JMJD1C: variants seen among roughly 807,000 people sequenced by gnomAD.
JMJD1C encodes the protein jumonji domain containing 1C.
A neutral mutation model predicts 245.3 loss-of-function variants in JMJD1C; 31 were observed. That is an observed-to-expected ratio of 0.13 (90% CI 0.09 to 0.17). The LOEUF (loss-of-function observed/expected upper bound fraction) is 0.17. Among genes scored for constraint, JMJD1C ranks in the 10% least tolerant of loss-of-function variants. JMJD1C has a pLI of 1.00. For synonymous variants in JMJD1C, 1,057 were observed against 1,017.4 expected (o/e 1.04, Z -0.74); for missense variants, 2,691 against 3,000.2 (o/e 0.90, Z 2.41).
intron 2 of JMJD1C, among the ~76,000 whole-genome samples, chr10:63,325,117 A>G (rs1048963151): frequency 2.0e-5 from 3 of 152,362 alleles, no homozygotes; most frequent in Non-Finnish European, 4.4e-5. Context: ...AATCAAGCTC[A>G]TAGCTACTGA....
intron 2 of JMJD1C, among the ~76,000 whole-genome samples, chr10:63,354,709 A>G (rs1312875999): frequency 1.3e-5 from 2 of 151,614 alleles, no homozygotes; most frequent in African/African-American, 4.8e-5. Context: ...AAATTTTAAT[A>G]TATCTGAATT....
chr10:63,234,493 T>TAAAAAAAAAAAAAAAAAA (rs71025129), intron 3 of JMJD1C, among the ~76,000 whole-genome samples: 12 of 37,036 alleles, frequency 3.2e-4, no homozygotes, highest in South Asian at 1.1e-3. Flanking sequence ...AACCTCCTCT[T>TAAAAAAAAAAAAAAAAAA]AAAAAAAAAA....
chr10:63,239,992 G>T (rs142556803), intron 3 of JMJD1C, among the ~76,000 whole-genome samples: 3 of 151,914 alleles, frequency 2.0e-5, no homozygotes, highest in Non-Finnish European at 2.9e-5. Context: ...TTTTGTCATC[G>T]CATTTATTAC....
At chr10:63,319,210 C>A (rs551697214) in intron 2 of JMJD1C, among the ~76,000 whole-genome samples, 1 of 142,614 alleles carries the variant, frequency 7.0e-6, no homozygotes, top group East Asian at 2.1e-4. Flanking sequence ...TGTGCTGAGA[C>A]TGCGCCACTG....
intron 1 of JMJD1C, among the ~76,000 whole-genome samples, chr10:63,494,250 G>GC (rs1954278585): frequency 6.6e-6 from 1 of 151,996 alleles, no homozygotes. Context: ...GGCAGAGGTT[G>GC]CGGTGAGCTG....
chr10:63,175,199 T>G (rs1026675462), intron 24 of JMJD1C, among the ~76,000 whole-genome samples: 2 of 152,170 alleles, frequency 1.3e-5, no homozygotes, highest in African/African-American at 4.8e-5. Flanking sequence ...GAATACAGAT[T>G]AGCTATTTTC....
At chr10:63,357,525 C>T (rs1414283899) in intron 2 of JMJD1C, among the ~76,000 whole-genome samples, 3 of 151,848 alleles carry the variant, frequency 2.0e-5, no homozygotes, top group African/African-American at 2.4e-5. Flanking sequence ...AGGCTAGTCT[C>T]GAACTCCCGA....
chr10:63,173,962 A>T (rs1026485855), intron 24 of JMJD1C, among the ~76,000 whole-genome samples: 2 of 152,222 alleles, frequency 1.3e-5, no homozygotes, highest in Non-Finnish European at 2.9e-5. Flanking sequence ...TTAGTCATTA[A>T]GAAAGTACAA....
intron 2 of JMJD1C, among the ~76,000 whole-genome samples, chr10:63,326,516 T>C (rs979793714): frequency 1.3e-5 from 2 of 152,102 alleles, no homozygotes; most frequent in Admixed American, 1.3e-4. Flanking sequence ...CATGAAACAC[T>C]GAAGGTCCAC....
chr10:63,484,236 G>GGATAGATA (rs142291507), intron 1 of JMJD1C, among the ~76,000 whole-genome samples: 44 of 92,740 alleles, frequency 4.7e-4, no homozygotes, highest in African/African-American at 1.3e-3. Context: ...ATGGATGGAT[G>GGATAGATA]GATAGATAGA....
intron 1 of JMJD1C, among the ~76,000 whole-genome samples, chr10:63,445,594 C>T (rs1243121899): frequency 6.6e-6 from 1 of 152,158 alleles, no homozygotes; most frequent in East Asian, 1.9e-4. Flanking sequence ...ATTATAAGGC[C>T]TTCATCTTTT....
At chr10:63,340,345 C>A (rs1293219484) in intron 2 of JMJD1C, among the ~76,000 whole-genome samples, 1 of 152,196 alleles carries the variant, frequency 6.6e-6, no homozygotes, top group Admixed American at 6.5e-5. Context: ...GGCACATACA[C>A]AGGCAGGACA....
intron 2 of JMJD1C, among the ~76,000 whole-genome samples, chr10:63,371,725 T>C (rs1248364504): frequency 1.3e-5 from 2 of 152,218 alleles, no homozygotes; most frequent in African/African-American, 2.4e-5. Flanking sequence ...ATCCACAAGA[T>C]ATGAGTGTGT....
At chr10:63,518,465 T>TA (rs1955095733) in intron 1 of JMJD1C, among the ~76,000 whole-genome samples, 1 of 152,188 alleles carries the variant, frequency 6.6e-6, no homozygotes, top group Admixed American at 6.5e-5. Flanking sequence ...CTAGAAGACT[T>TA]AAAGAAGTAA....
In JMJD1C at chr10:63,441,834, C is replaced by A. The variant is rs556648682; in HGVS notation, c.168+23661G>T. Among the ~76,000 whole-genome samples the A allele has an allele frequency of 2.6e-3, 390 of 152,290 alleles. 1 individual carries two copies. Among genetic ancestry groups the A allele is most frequent in the Non-Finnish European group, 3.9e-3 (262 of 68,028 alleles). ...AGTTCTCTGGCCTGTTATTCTACGGCTATTATAATCACCTTAATAAATACC... is the reference window on the plus strand; with the variant it reads ...AGTTCTCTGGCCTGTTATTCTACGGATATTATAATCACCTTAATAAATACC... On this transcript the variant is annotated intron_variant, in intron 1 of 25. Transcript: ENST00000399262.
chr10:63,402,467 AG>A (rs1436145784), intron 1 of JMJD1C, among the ~76,000 whole-genome samples: 1 of 152,222 alleles, frequency 6.6e-6, no homozygotes, highest in East Asian at 1.9e-4. Context: ...TCATCTGAAC[AG>A]GATGTTTTTA....
At chr10:63,521,145 G>A (rs1333646604) in intron 1 of JMJD1C, among the ~76,000 whole-genome samples, 2 of 152,178 alleles carry the variant, frequency 1.3e-5, no homozygotes, top group Non-Finnish European at 2.9e-5. Context: ...GAGCTAAGGA[G>A]GGTAAGGTTG....
intron 1 of JMJD1C, among the ~76,000 whole-genome samples, chr10:63,405,423 C>T (rs1455154821): frequency 4.0e-5 from 6 of 149,738 alleles, no homozygotes; most frequent in East Asian, 4.0e-4. Context: ...AAAGCTCAAG[C>T]GATTCTCATG....
intron 14 of JMJD1C, 58 bp downstream of exon 14, chr10:63,194,228 G>A: frequency 9.6e-7 from 1 of 1,037,416 alleles, no homozygotes; most frequent in Non-Finnish European, 1.5e-6. Flanking sequence ...TCCTTTAAGT[G>A]TTTCCTTAAT....
Sources: allele counts gnomAD v4.1 joint callset (sites outside exome capture counted in the v4.1 genomes callset), GRCh38; gene constraint gnomAD v4.1.1; transcripts MANE v1.5; gene names NCBI Gene and HGNC (gene_info 2026-07-23, HGNC 2026-07-21).